OSTF1: variants seen among roughly 807,000 people sequenced by gnomAD.
The protein encoded by OSTF1 is osteoclast-stimulating factor 1.
Under a neutral mutation model 37.2 loss-of-function variants are expected in OSTF1, and 27 were observed. That is an observed-to-expected ratio of 0.73 (90% CI 0.54 to 1.00). The LOEUF (loss-of-function observed/expected upper bound fraction) is 1.00. Among genes scored for constraint, OSTF1 ranks in the 50% least tolerant of loss-of-function variants. The pLI is 0.00. For synonymous variants in OSTF1, 82 were observed against 89.2 expected, an observed-to-expected ratio of 0.92 and a Z score of 0.46; for missense variants, 232 against 253.8, an observed-to-expected ratio of 0.91 and a Z score of 0.58.
chr9:75,109,235 C>T (rs913278910), intron 1 of OSTF1, among the ~76,000 whole-genome samples: 8 of 152,120 alleles, frequency 5.3e-5, no homozygotes, highest in African/African-American at 1.9e-4. Flanking sequence ...TGTTCTCCAA[C>T]TCCTGATCTC....
rs982736002 is a variant in OSTF1, at chr9:75,102,167, G to T, written c.34+13441G>T. Among the ~76,000 whole-genome samples, 21 of 152,200 alleles carry T rather than the reference G, an allele frequency of 1.4e-4. No individual in the cohort carries two copies. The East Asian group carries it at 3.7e-3, about 27-fold the overall frequency. Reference sequence around the variant, plus strand: ...TATTTTTGTTTTTTGTAGAGATGGGGTCTCGCTCTGTTGCCCAGGCTGATC... The same window carrying T: ...TATTTTTGTTTTTTGTAGAGATGGGTTCTCGCTCTGTTGCCCAGGCTGATC... On this transcript the variant is annotated intron_variant, in intron 1 of 9. Transcript: ENST00000346234.
chr9:75,111,378 C>G (rs1222374381), intron 1 of OSTF1, among the ~76,000 whole-genome samples: 2 of 152,252 alleles, frequency 1.3e-5, no homozygotes, highest in Admixed American at 6.5e-5. Flanking sequence ...CCCTTCTCTT[C>G]AGGGACTGGG....
At position 75,130,600 on chromosome 9, in the gene OSTF1, G is replaced by T. The variant is rs780515776; in HGVS notation, c.155G>T (p.Gly52Val). The change falls in exon 4 of 10, where the codon GGC becomes GTC. Residue 52 changes from glycine to valine, a missense_variant. Gly to Val is a moderately radical substitution (Grantham distance 109, BLOSUM62 -3). Transcript: ENST00000346234. ...CAGAGCGATACCAATTGGTGGAAAG[G>T]CACCTCCAAAGGCAGGACTGGACTA... ...TDMSDTNWWKGTSKGRTGLIP... is the reference protein window; with the variant it reads ...TDMSDTNWWKVTSKGRTGLIP... The T allele has an allele frequency of 1.2e-6, 2 of 1,611,646 alleles. No homozygotes were observed. Among genetic ancestry groups the T allele is most frequent in the Middle Eastern group, 1.7e-4 (1 of 6,056 alleles).
intron 8 of OSTF1, among the ~76,000 whole-genome samples, chr9:75,138,980 A>G (rs912770037): frequency 1.5e-4 from 21 of 144,374 alleles, no homozygotes; most frequent in Admixed American, 1.1e-3. Flanking sequence ...TAAACATACT[A>G]TTTTTTTTCT....
At chr9:75,111,503 G>A (rs1030537779) in intron 1 of OSTF1, among the ~76,000 whole-genome samples, 5 of 152,134 alleles carry the variant, frequency 3.3e-5, no homozygotes, top group African/African-American at 4.8e-5. Context: ...GAAGAGACCA[G>A]CCCTGCTTAG....
chr9:75,125,690 A>C (rs1378819152), intron 2 of OSTF1, among the ~76,000 whole-genome samples: 1 of 152,214 alleles, frequency 6.6e-6, no homozygotes, highest in African/African-American at 2.4e-5. Flanking sequence ...TGCATAATGC[A>C]TCTAAGTATT....
chr9:75,113,318 C>T (rs1825424300), intron 1 of OSTF1, among the ~76,000 whole-genome samples: 1 of 152,160 alleles, frequency 6.6e-6, no homozygotes, highest in South Asian at 2.1e-4. Flanking sequence ...TGCTCTCATT[C>T]AATGGCTGTG....
At chr9:75,123,381 G>T (rs886803640) in intron 2 of OSTF1, among the ~76,000 whole-genome samples, 4 of 152,184 alleles carry the variant, frequency 2.6e-5, no homozygotes, top group Non-Finnish European at 5.9e-5. Flanking sequence ...CCGAGATCGT[G>T]CCACTGCACT....
intron 1 of OSTF1, among the ~76,000 whole-genome samples, chr9:75,109,351 G>A (rs1189808045): frequency 6.6e-6 from 1 of 152,076 alleles, no homozygotes; most frequent in Admixed American, 6.6e-5. Flanking sequence ...AGTTCATTCT[G>A]TTAAAGCCAC....
chr9:75,126,809 T>C (rs1296997005), intron 2 of OSTF1, among the ~76,000 whole-genome samples: 1 of 152,224 alleles, frequency 6.6e-6, no homozygotes, highest in African/African-American at 2.4e-5. Flanking sequence ...GCCAGGCTGG[T>C]CTTGAACTGC....
chr9:75,121,671 GTCTTA>G, intron 2 of OSTF1, among the ~76,000 whole-genome samples: 1 of 152,266 alleles, frequency 6.6e-6, no homozygotes, highest in South Asian at 2.1e-4. Flanking sequence ...AACTAGGTTA[GTCTTA>G]TCTTCTTTTT....
chr9:75,104,131 C>T (rs139491073), intron 1 of OSTF1, among the ~76,000 whole-genome samples: 157 of 152,218 alleles, frequency 1.0e-3, no homozygotes, highest in African/African-American at 3.5e-3. Context: ...GTAGTCTCAG[C>T]TGCTTGGGAG....
chr9:75,134,533 C>G lies in OSTF1; in HGVS notation c.408+138C>G, dbSNP rs547219069. ...TAAAAATTATAATTGTACTAAAATT[C>G]AAATTATCCACAGCCCCAAGTGCCA... On this transcript the variant is annotated intron_variant, in intron 7 of 9. Coordinates refer to ENST00000346234, the MANE Select transcript of OSTF1 (RefSeq NM_012383.5). 15 of 556,210 alleles carry G rather than the reference C, an allele frequency of 2.7e-5. No individual in the cohort carries two copies. In the South Asian group the frequency reaches 3.4e-4, roughly 12 times the overall value. The allele number at this position is 556,210 out of a possible 1,614,324, so 34.5% of individuals were successfully genotyped here. A position where few individuals can be genotyped will look rare whatever the true frequency, so the allele number is the denominator to read the frequency against.
chr9:75,121,355 T>A (rs1825577699), intron 2 of OSTF1, among the ~76,000 whole-genome samples: 4 of 152,212 alleles, frequency 2.6e-5, no homozygotes, highest in African/African-American at 7.2e-5. Context: ...CCACTGCTTT[T>A]AAAAAAATCT....
chr9:75,128,370 ATATATATATATATAT>A (rs1483329370), intron 3 of OSTF1, among the ~76,000 whole-genome samples: 1 of 49,360 alleles, frequency 2.0e-5, no homozygotes, highest in Non-Finnish European at 3.7e-5. Flanking sequence ...AGACATATAT[ATATATATATATATAT>A]ATATATATAT....
In OSTF1 at chr9:75,117,548, A is replaced by G; in HGVS notation, c.79A>G (p.Thr27Ala). 1 of 1,604,754 alleles carries G rather than the reference A, an allele frequency of 6.2e-7. No individual in the cohort carries two copies. Among genetic ancestry groups the G allele is most frequent in the East Asian group, 2.2e-5 (1 of 44,812 alleles). The stretch of plus-strand genomic sequence containing the variant: ...AGCCCTGTATACGTTTGAACCCAGA[A>G]CTGTAAGTGTTCAGTTTTTAACTTC... ...FRALYTFEPR[T>A]PDELYFEEGD... The change falls in exon 2 of 10, where the codon ACT (threonine) becomes GCT (alanine). Residue 27 changes from threonine (T) to alanine (A), a missense_variant and splice_region_variant. By Grantham distance (58) the Thr-to-Ala change is moderately conservative. Coordinates refer to ENST00000346234, the MANE Select transcript of OSTF1 (RefSeq NM_012383.5).
In OSTF1 at chr9:75,146,470, G is replaced by A. The variant is rs577716748; in HGVS notation, c.587-213G>A. Among the ~76,000 whole-genome samples, 61 of 152,286 alleles carry A rather than the reference G, an allele frequency of 4.0e-4. 1 individual carries two copies. The South Asian group carries it at 5.6e-3, about 14-fold the overall frequency. On this transcript the variant is annotated intron_variant, in intron 9 of 9. Coordinates refer to ENST00000346234, the MANE Select transcript of OSTF1 (RefSeq NM_012383.5). The stretch of plus-strand genomic sequence containing the variant: ...CATGGCACCTAGGACCAAAACTTCT[G>A]CATGACTGTGGAACGCATCATCAGC...
chr9:75,145,556 AT>A (rs937418726), intron 9 of OSTF1, among the ~76,000 whole-genome samples: 109 of 152,338 alleles, frequency 7.2e-4, no homozygotes, highest in African/African-American at 2.5e-3. Context: ...TAGCTGGAAC[AT>A]TCTATTAGGA....
chr9:75,115,019 T>C (rs1410892406), intron 1 of OSTF1, among the ~76,000 whole-genome samples: 1 of 152,232 alleles, frequency 6.6e-6, no homozygotes, highest in Non-Finnish European at 1.5e-5. Flanking sequence ...ATGCTTACAA[T>C]TGATCCACAA....
Sources: allele counts gnomAD v4.1 joint callset (sites outside exome capture counted in the v4.1 genomes callset), GRCh38; gene constraint gnomAD v4.1.1; transcripts MANE v1.5; gene names NCBI Gene and HGNC (gene_info 2026-07-23, HGNC 2026-07-21).